The following MYCT1 variants were observed in gnomAD, a reference collection of about 807,000 sequenced individuals.
MYCT1 encodes the protein myc target protein 1.
In MYCT1, 12 loss-of-function variants were observed where a neutral mutation model predicts 15.0. The ratio of observed to expected loss-of-function variants is 0.80; its 90% CI spans 0.51 to 1.29. The LOEUF (loss-of-function observed/expected upper bound fraction) is 1.29, where lower values mean the gene tolerates loss of function less well. Among genes scored for constraint, MYCT1 ranks in the 50% most tolerant of loss-of-function variants. MYCT1 has a pLI of 0.00. For missense variants in MYCT1, 287 were observed against 279.1 expected (o/e 1.03, Z -0.20); for synonymous variants, 104 against 102.7 (o/e 1.01, Z -0.07).
chr6:152,728,396 A>T (rs1236620125), downstream of MYCT1, among the ~76,000 whole-genome samples: 3 of 152,166 alleles, frequency 2.0e-5, no homozygotes, highest in Non-Finnish European at 4.4e-5. Flanking sequence ...TTCAAAGCTG[A>T]GGAGCAAATT....
rs548964113 is a variant in MYCT1, at chr6:152,723,580, C to G, written c.*1327C>G. The G allele has an allele frequency of 3.3e-5, 5 of 152,214 alleles. No individual in the cohort carries two copies. Among genetic ancestry groups the G allele is most frequent in the Non-Finnish European group, 7.3e-5 (5 of 68,054 alleles). 9.4% of individuals were successfully genotyped at this position (152,214 alleles called of 1,614,324 possible). A position where few individuals can be genotyped will look rare whatever the true frequency, so the allele number is the denominator to read the frequency against. Reference sequence around the variant, plus strand: ...CAGGCATCATTCCTGGTTTGCTTCTCTACGAATCTCAATTCCAACTTCTCT... The same window carrying G: ...CAGGCATCATTCCTGGTTTGCTTCTGTACGAATCTCAATTCCAACTTCTCT... On this transcript the variant is annotated 3_prime_UTR_variant, in exon 2 of 2. Coordinates refer to ENST00000367245, the MANE Select transcript of MYCT1 (RefSeq NM_025107.3).
chr6:152,707,778 A>G (rs2099722555), intron 1 of MYCT1, among the ~76,000 whole-genome samples: 1 of 151,924 alleles, frequency 6.6e-6, no homozygotes, highest in African/African-American at 2.4e-5. Flanking sequence ...TGCATTTTTG[A>G]TACTGTTGTC....
Position 152,724,397 on chromosome 6 carries a change from T to TGA in MYCT1, c.*2145_*2146insAG, listed in dbSNP as rs2099725255. ...AAATCCTCTGGGGCATTTAACCATC[T>TGA]GGCAGAATTGTTGCTGCACCCTTAT... On this transcript the variant is annotated 3_prime_UTR_variant, in exon 2 of 2. Transcript: ENST00000367245. The TGA allele has an allele frequency of 6.6e-6, 1 of 152,194 alleles. No homozygotes were observed. 9.4% of individuals were successfully genotyped at this position (152,194 alleles called of 1,614,324 possible).
At chr6:152,707,949 C>T (rs890741040) in intron 1 of MYCT1, among the ~76,000 whole-genome samples, 1 of 151,900 alleles carries the variant, frequency 6.6e-6, no homozygotes, top group Non-Finnish European at 1.5e-5. Context: ...TCCAGCTTTG[C>T]TTTTATTGTT....
the MYCT1 span, among the ~76,000 whole-genome samples, chr6:152,730,714 A>G: frequency 2.0e-5 from 3 of 152,168 alleles, no homozygotes; most frequent in African/African-American, 7.2e-5. Context: ...CTTTATTGGA[A>G]TCTACTAGAT....
At chr6:152,745,872 T>G in the MYCT1 span, among the ~76,000 whole-genome samples, 15 of 152,334 alleles carry the variant, frequency 9.8e-5, no homozygotes, top group African/African-American at 3.6e-4. Flanking sequence ...CGTACCATTA[T>G]GCAGAGTGTT....
At chr6:152,746,115 T>G in the MYCT1 span, among the ~76,000 whole-genome samples, 7 of 152,206 alleles carry the variant, frequency 4.6e-5, no homozygotes. Context: ...TGCCAAATCT[T>G]CATTCTAACA....
At chr6:152,713,372 T>C (rs1013193764) in intron 1 of MYCT1, among the ~76,000 whole-genome samples, 1 of 152,172 alleles carries the variant, frequency 6.6e-6, no homozygotes, top group African/African-American at 2.4e-5. Context: ...TAATTATGTC[T>C]GGATCATCTT....
chr6:152,704,009 T>C (rs1255588119), intron 1 of MYCT1, among the ~76,000 whole-genome samples: 1 of 128,452 alleles, frequency 7.8e-6, no homozygotes, highest in Admixed American at 9.0e-5. Flanking sequence ...TATTTTATTT[T>C]ATTTTTGAGA....
At position 152,721,986 on chromosome 6, in the gene MYCT1, A is replaced by C; in HGVS notation, c.441A>C (p.Gln147His). The change falls in exon 2 of 2, where the codon CAA (glutamine) becomes CAC (histidine). Residue 147 changes from glutamine (Q) to histidine (H), a missense_variant. By Grantham distance (24) the Gln-to-His change is conservative (BLOSUM62 0). Transcript: ENST00000367245. The stretch of plus-strand genomic sequence containing the variant: ...TGGCCAGTCTCACCTTCCAGCGACA[A>C]GCTTCCCTGGAACAAGCAAATTCCT... Reference protein sequence around the residue: ...LSLASLTFQRQASLEQANSFP... With the variant: ...LSLASLTFQRHASLEQANSFP... 6.2e-7 allele frequency: 1 copy of C among 1,614,194 alleles called. No individual in the cohort carries two copies. The highest frequency in any genetic ancestry group is 1.1e-5 in the South Asian group (1 of 91,074).
At chr6:152,744,220 A>G in the MYCT1 span, among the ~76,000 whole-genome samples, 1 of 152,224 alleles carries the variant, frequency 6.6e-6, no homozygotes, top group Non-Finnish European at 1.5e-5. Context: ...TTTCAGCAGC[A>G]GTCTTCAGAA....
downstream of MYCT1, among the ~76,000 whole-genome samples, chr6:152,728,622 G>A (rs534283215): frequency 3.7e-4 from 56 of 152,256 alleles, no homozygotes; most frequent in Non-Finnish European, 6.0e-4. Flanking sequence ...GAGGCAGGGC[G>A]TGGTGGCTCA....
intron 1 of MYCT1, among the ~76,000 whole-genome samples, chr6:152,714,943 G>A (rs956116378): frequency 6.6e-6 from 1 of 151,932 alleles, no homozygotes; most frequent in East Asian, 1.9e-4. Flanking sequence ...TCTTTGTGAG[G>A]TCTGGTCTTT....
chr6:152,747,026 T>A, the MYCT1 span, among the ~76,000 whole-genome samples: 6 of 152,090 alleles, frequency 3.9e-5, no homozygotes, highest in Non-Finnish European at 7.4e-5. Flanking sequence ...TTTACCTTTA[T>A]TGTAATATTA....
chr6:152,706,274 A>G (rs1583966386), intron 1 of MYCT1: 1 of 639,124 alleles, frequency 1.6e-6, no homozygotes, highest in African/African-American at 1.8e-5. Context: ...ACCATCAGTT[A>G]CTGGTTTCAG....
chr6:152,722,051 C>T lies in MYCT1; in HGVS notation c.506C>T (p.Pro169Leu), dbSNP rs1261344354. 7 of 1,614,016 alleles carry T rather than the reference C, an allele frequency of 4.3e-6. No homozygotes were observed. Among genetic ancestry groups the T allele is most frequent in the South Asian group, 3.3e-5 (3 of 91,088 alleles). The change falls in exon 2 of 2, where the codon CCC becomes CTC. Residue 169 changes from proline (P) to leucine (L), a missense_variant. Transcript: ENST00000367245. ...KSSFRASTFHPFLQCPPLPVE... is the reference protein window; with the variant it reads ...KSSFRASTFHLFLQCPPLPVE... ...AGTTTCAGAGCTTCTACTTTCCATCCCTTTCTGCAATGTCCACCACTTCCT... is the reference window on the plus strand; with the variant it reads ...AGTTTCAGAGCTTCTACTTTCCATCTCTTTCTGCAATGTCCACCACTTCCT...
intron 1 of MYCT1, among the ~76,000 whole-genome samples, chr6:152,717,243 A>G (rs1486569815): frequency 6.6e-6 from 1 of 152,146 alleles, no homozygotes; most frequent in Admixed American, 6.6e-5. Context: ...GCCTTTCTGC[A>G]TTTCTACATT....
chr6:152,700,569 G>A (rs1489094024), intron 1 of MYCT1, among the ~76,000 whole-genome samples: 1 of 152,114 alleles, frequency 6.6e-6, no homozygotes, highest in Non-Finnish European at 1.5e-5. Flanking sequence ...GCAAGGGTTG[G>A]CAACAAAGTT....
rs1163393334 is a variant in MYCT1, at chr6:152,722,341, A to G, written c.*88A>G. 7 of 1,346,770 alleles carry G rather than the reference A, an allele frequency of 5.2e-6. No individual in the cohort carries two copies. Among genetic ancestry groups the G allele is most frequent in the Admixed American group, 2.4e-5 (1 of 42,010 alleles). 83.4% of individuals were successfully genotyped at this position (1,346,770 alleles called of 1,614,324 possible). On this transcript the variant is annotated 3_prime_UTR_variant, in exon 2 of 2. Transcript: ENST00000367245. ...ATAGGCTAAACAGAATTTTGAGGGC[A>G]TGGCCCAAATAACTCATGAGTTCCA...
Sources: allele counts gnomAD v4.1 joint callset (sites outside exome capture counted in the v4.1 genomes callset), GRCh38; gene constraint gnomAD v4.1.1; transcripts MANE v1.5; gene names NCBI Gene and HGNC (gene_info 2026-07-23, HGNC 2026-07-21).